Variants in NOTCH2 observed in about 807,000 individuals in gnomAD.
NOTCH2 encodes the protein neurogenic locus notch homolog protein 2.
NOTCH2 carries 29 observed loss-of-function variants against 235.8 expected under a neutral mutation model. That is an observed-to-expected ratio of 0.12 (90% CI 0.09 to 0.17). The LOEUF is 0.17. NOTCH2 is among the 10% of genes least tolerant of loss of function. NOTCH2 has a pLI of 1.00. For missense variants in NOTCH2, 2,285 were observed against 3,150.2 expected (o/e 0.73, Z 6.57); for synonymous variants, 1,086 against 1,141.5 (o/e 0.95, Z 0.98).
intron 27 of NOTCH2, 64 bp downstream of exon 27, chr1:119,922,566 TAATGAA>T (rs1475610796): frequency 1.9e-6 from 3 of 1,609,384 alleles, no homozygotes; most frequent in Non-Finnish European, 2.5e-6. Flanking sequence ...GAGGGCTACA[TAATGAA>T]AATTGTTCCC....
intron 12 of NOTCH2, 113 bp from the exon 13 acceptor site, chr1:119,955,345 T>C: frequency 9.6e-7 from 1 of 1,037,462 alleles, no homozygotes; most frequent in Non-Finnish European, 1.5e-6. Flanking sequence ...TAAGGTGCCT[T>C]GAGGCACCAA....
At chr1:120,065,942 G>GT (rs1407115013) in intron 1 of NOTCH2, among the ~76,000 whole-genome samples, 2 of 151,458 alleles carry the variant, frequency 1.3e-5, no homozygotes, top group Non-Finnish European at 2.9e-5. Context: ...ACGCCTTGCA[G>GT]TTTTTTACTC....
At chr1:120,062,568 C>T (rs1392714821) in intron 1 of NOTCH2, among the ~76,000 whole-genome samples, 4 of 69,864 alleles carry the variant, frequency 5.7e-5, no homozygotes, top group Non-Finnish European at 7.6e-5. Flanking sequence ...TTTCATATTC[C>T]TAATTGTGTG....
At position 119,915,645 on chromosome 1, in the gene NOTCH2, G is replaced by A. The variant is rs1297282799; in HGVS notation, c.7077C>T (p.Pro2359=). Residue 2359 remains proline, a synonymous_variant, in exon 34 of 34, where the codon CCC becomes CCT. Coordinates refer to ENST00000256646, the MANE Select transcript of NOTCH2 (RefSeq NM_024408.4). ...PSVAFPTAMM[P]QQDGQVAQTI... is the part of the protein sequence containing the mutation. ...TCTGAGCTACCTGCCCGTCCTGCTG[G>A]GGCATCATGGCAGTGGGGAAAGCCA... The A allele has an allele frequency of 1.9e-6, 3 of 1,614,090 alleles. No homozygotes were observed. Among genetic ancestry groups the A allele is most frequent in the Admixed American group, 3.3e-5 (2 of 60,034 alleles).
intron 17 of NOTCH2, among the ~76,000 whole-genome samples, chr1:119,944,274 C>T (rs587612972): frequency 1.5e-4 from 23 of 152,182 alleles, no homozygotes; most frequent in African/African-American, 4.6e-4. Context: ...TGGTGGCTCA[C>T]GCTGTAATCC....
At chr1:120,057,357 CGG>C in intron 1 of NOTCH2, among the ~76,000 whole-genome samples, 1 of 121,912 alleles carries the variant, frequency 8.2e-6, no homozygotes, top group Non-Finnish European at 1.5e-5. Flanking sequence ...CCCAAAGACA[CGG>C]GGCTAGTAAA....
At chr1:120,065,598 CG>C (rs1557868463) in intron 1 of NOTCH2, among the ~76,000 whole-genome samples, 1 of 152,138 alleles carries the variant, frequency 6.6e-6, no homozygotes, top group Non-Finnish European at 1.5e-5. Context: ...AAATGGAGGA[CG>C]GAAACAGTGG....
chr1:119,930,954 T>A lies in NOTCH2; in HGVS notation c.3656-1742A>T, dbSNP rs587774827. On this transcript the variant is annotated intron_variant, in intron 22 of 33. Coordinates refer to ENST00000256646, the MANE Select transcript of NOTCH2 (RefSeq NM_024408.4). ...TCCACTAAAAAATACAAAAAAAAAA[T>A]TAGCCAGGCATGGTGGCGGGCGCTT... Among the ~76,000 whole-genome samples the A allele has an allele frequency of 4.0e-5, 6 of 150,280 alleles. No homozygotes were observed. The East Asian group carries it at 7.9e-4, about 20-fold the overall frequency.
chr1:119,983,312 C>G (rs1651883084), intron 5 of NOTCH2, among the ~76,000 whole-genome samples: 1 of 151,780 alleles, frequency 6.6e-6, no homozygotes, highest in South Asian at 2.1e-4. Flanking sequence ...CGCCACCACA[C>G]CCAGCTAATT....
chr1:119,985,387 C>T (rs782507789), intron 5 of NOTCH2, among the ~76,000 whole-genome samples: 6 of 152,060 alleles, frequency 3.9e-5, no homozygotes, highest in Non-Finnish European at 8.8e-5. Flanking sequence ...AGACTTCTAG[C>T]GAAAAGAGGC....
intron 29 of NOTCH2, 64 bp downstream of exon 29, chr1:119,921,649 G>A: frequency 1.5e-6 from 2 of 1,362,798 alleles, no homozygotes; most frequent in East Asian, 4.6e-5. Flanking sequence ...GGAGCTAAAG[G>A]ACAGAAATTT....
chr1:119,925,255 A>T (rs1180283203), intron 25 of NOTCH2, 50 bp downstream of exon 25: 2 of 1,610,562 alleles, frequency 1.2e-6, no homozygotes, highest in South Asian at 2.2e-5. Context: ...GAGAAACTGA[A>T]GTGTGTTAGT....
At chr1:119,921,909 C>A in intron 28 of NOTCH2, 100 bp from the exon 29 acceptor site, 1 of 1,053,282 alleles carries the variant, frequency 9.5e-7, no homozygotes, top group Non-Finnish European at 1.4e-6. Flanking sequence ...GGCTATATTA[C>A]AATTTTGCAG....
intron 1 of NOTCH2, among the ~76,000 whole-genome samples, chr1:120,045,876 C>G (rs1247703087): frequency 6.6e-6 from 1 of 152,248 alleles, no homozygotes; most frequent in African/African-American, 2.4e-5. Flanking sequence ...TGTGTGTACC[C>G]CAGAAGCAGG....
intron 30 of NOTCH2, among the ~76,000 whole-genome samples, chr1:119,919,834 T>C (rs1649210837): frequency 1.3e-5 from 2 of 152,226 alleles, no homozygotes; most frequent in Non-Finnish European, 2.9e-5. Flanking sequence ...AGCTGGGGGC[T>C]CTTCTCTAAA....
intron 26 of NOTCH2, among the ~76,000 whole-genome samples, chr1:119,923,352 A>T (rs1649352257): frequency 6.6e-6 from 1 of 152,230 alleles, no homozygotes. Context: ...AATGTCACTA[A>T]TAAAGGGATT....
At chr1:120,015,883 GA>G (rs1194077139) in intron 2 of NOTCH2, among the ~76,000 whole-genome samples, 1 of 115,202 alleles carries the variant, frequency 8.7e-6, no homozygotes, top group African/African-American at 3.3e-5. Context: ...GTAAAGAGGG[GA>G]AAAAAAGAGA....
chr1:119,956,495 T>C (rs995217167), intron 12 of NOTCH2, among the ~76,000 whole-genome samples: 3 of 152,226 alleles, frequency 2.0e-5, no homozygotes, highest in Admixed American at 6.5e-5. Flanking sequence ...TAAACCATCA[T>C]TGGTGGTTCT....
At chr1:119,926,659 C>A (rs1044787639) in intron 23 of NOTCH2, 48 bp from the exon 24 acceptor site, 1 of 1,464,978 alleles carries the variant, frequency 6.8e-7, no homozygotes, top group South Asian at 1.2e-5. Context: ...GAAGTAGTCA[C>A]TGCAAGTTAC....
Sources: gnomAD v4.1 joint callset for allele counts (sites outside exome capture counted in the v4.1 genomes callset) on GRCh38, gnomAD v4.1.1 for gene constraint, MANE v1.5 for transcripts, NCBI Gene and HGNC (gene_info 2026-07-23, HGNC 2026-07-21) for gene names.